The following PRAMEF19 variants were observed in gnomAD, a reference collection of about 807,000 sequenced individuals.
PRAMEF19 encodes PRAME family member 19.
Under a neutral mutation model 33.1 loss-of-function variants are expected in PRAMEF19, and 21 were observed. The ratio of observed to expected loss-of-function variants is 0.63; its 90% CI spans 0.45 to 0.91. The LOEUF (loss-of-function observed/expected upper bound fraction) is 0.91. PRAMEF19 is among the 40% of genes least tolerant of loss of function. The probability of loss-of-function intolerance (pLI) is 0.00; values close to 1 mark genes in which losing one functional copy is unlikely to be tolerated. For missense variants in PRAMEF19, 481 were observed against 585.2 expected, an observed-to-expected ratio of 0.82 and a Z score of 1.84; for synonymous variants, 179 against 229.3, an observed-to-expected ratio of 0.78 and a Z score of 1.98.
At chr1:13,368,967 T>G, downstream of PRAMEF19, 1 of 1,522,370 alleles carries the variant, frequency 6.6e-7, no homozygotes, top group South Asian at 1.2e-5. Context: ...ATAAAAGCTG[T>G]AAAATTGTAA....
chr1:13,369,397 C>A (rs750242819), exon 3 of PRAMEF19: 76 of 1,612,540 alleles, frequency 4.7e-5, no homozygotes, highest in Non-Finnish European at 6.0e-5. Context: ...TCAGGGCAGG[C>A]AGGATGACCC....
chr1:13,370,546 G>A, intron 2 of PRAMEF19, 103 bp downstream of exon 2: 3 of 1,457,820 alleles, frequency 2.1e-6, no homozygotes, highest in Non-Finnish European at 2.9e-6. Context: ...CCCTTCCCTG[G>A]ACATCTCCAG....
chr1:13,369,657 G>T lies in PRAMEF19; in HGVS notation c.867-17C>A. ...TTGAGGCACCTGGGGAGAGCAAGAAGTTAGTACTGGGCAATGGCACCAGTT... is the reference window on the plus strand; with the variant it reads ...TTGAGGCACCTGGGGAGAGCAAGAATTTAGTACTGGGCAATGGCACCAGTT... On this transcript the variant is annotated splice_polypyrimidine_tract_variant and intron_variant, in intron 2 of 2. Coordinates refer to ENST00000376101, the Ensembl canonical transcript of PRAMEF19. 5.0e-6 allele frequency: 8 copies of T among 1,613,804 alleles called. No homozygotes were observed. Among genetic ancestry groups the T allele is most frequent in the Non-Finnish European group, 5.9e-6 (7 of 1,179,820 alleles).
Position 13,370,865 on chromosome 1 carries a change from C to T in PRAMEF19, c.650G>A (p.Trp217Ter). The T allele has an allele frequency of 1.2e-6, 2 of 1,613,940 alleles. No homozygotes were observed. Among genetic ancestry groups the T allele is most frequent in the Non-Finnish European group, 1.7e-6 (2 of 1,179,860 alleles). Residue 217 changes from tryptophan (W) to a stop codon, truncating the protein, a stop_gained, in exon 2 of 3, where the codon TGG becomes TAG. Transcript: ENST00000376101. LOFTEE classifies it high-confidence loss of function. Reference sequence around the variant, plus strand: ...GCTAACCTCTGCTACCATACACGGCCAGCACATGTTCCAAATTTCCAATAC... The same window carrying T: ...GCTAACCTCTGCTACCATACACGGCTAGCACATGTTCCAAATTTCCAATAC...
downstream of PRAMEF19, chr1:13,369,064 C>A (rs1569832323): frequency 3.1e-6 from 5 of 1,611,970 alleles, no homozygotes; most frequent in Non-Finnish European, 4.2e-6. Context: ...TACCTCCACC[C>A]CACTAGGCAG....
intron 2 of PRAMEF19, among the ~76,000 whole-genome samples, chr1:13,370,255 G>A (rs1391742489): frequency 1.3e-4 from 20 of 152,278 alleles, no homozygotes; most frequent in African/African-American, 4.1e-4. Flanking sequence ...CCTCCCCTCT[G>A]TTGCCTCTTT....
chr1:13,371,835 G>A, exon 1 of PRAMEF19: 1 of 1,611,986 alleles, frequency 6.2e-7, no homozygotes, highest in Non-Finnish European at 8.5e-7. Flanking sequence ...AGATGGCCAA[G>A]GCCTGGTCCC....
chr1:13,370,984 T>G, exon 2 of PRAMEF19: 1 of 1,612,226 alleles, frequency 6.2e-7, no homozygotes, highest in South Asian at 1.1e-5. Flanking sequence ...ACAGGTGTAC[T>G]GAACGTCTTC....
At chr1:13,369,032 T>A (rs1640633923), downstream of PRAMEF19, 9 of 1,611,742 alleles carry the variant, frequency 5.6e-6, no homozygotes, top group African/African-American at 1.3e-5. Context: ...AGTTTCCAAG[T>A]GCCTGGAGAA....
chr1:13,370,325 T>C (rs1392490532), intron 2 of PRAMEF19, among the ~76,000 whole-genome samples: 1 of 152,314 alleles, frequency 6.6e-6, no homozygotes. Context: ...CTATTCATAC[T>C]TATCATATTA....
exon 2 of PRAMEF19, chr1:13,370,811 C>A (rs1483677745): frequency 5.5e-5 from 89 of 1,613,976 alleles, no homozygotes; most frequent in Non-Finnish European, 7.3e-5. Flanking sequence ...GAAGAGTTTT[C>A]GAAGATTCTT....
exon 1 of PRAMEF19, chr1:13,371,859 C>T (rs1347410071): frequency 3.1e-6 from 5 of 1,611,832 alleles, no homozygotes; most frequent in Non-Finnish European, 4.2e-6. Context: ...GCAGGCTCTG[C>T]CCTGCCAGCT....
exon 1 of PRAMEF19, chr1:13,371,745 C>T: frequency 6.2e-7 from 1 of 1,610,208 alleles, no homozygotes; most frequent in South Asian, 1.1e-5. Flanking sequence ...CCATCACCTT[C>T]AGAACCTCGC....
At chr1:13,370,785 C>G (rs1205325193) in exon 2 of PRAMEF19, 144 of 1,613,808 alleles carry the variant, frequency 8.9e-5, no homozygotes, top group Non-Finnish European at 1.2e-4. Flanking sequence ...GGCAGGTAAC[C>G]ACAGCCATCG....
chr1:13,369,847 G>A (rs1231220056), intron 2 of PRAMEF19, among the ~76,000 whole-genome samples: 28 of 151,104 alleles, frequency 1.9e-4, no homozygotes, highest in Non-Finnish European at 3.1e-4. Context: ...ACCATCACTG[G>A]TGTGATTGGT....
chr1:13,370,558 G>A (rs1315127897), intron 2 of PRAMEF19, 91 bp downstream of exon 2: 517 of 1,528,338 alleles, frequency 3.4e-4, no homozygotes, highest in Non-Finnish European at 3.8e-4. Context: ...CATCTCCAGT[G>A]GCTGGCACAC....
At chr1:13,368,901 G>GT (rs1261206553), downstream of PRAMEF19, among the ~76,000 whole-genome samples, 2 of 152,074 alleles carry the variant, frequency 1.3e-5, no homozygotes, top group African/African-American at 2.4e-5. Context: ...TCCCTTAAGC[G>GT]TAAGAGTTTG....
At chr1:13,369,052 T>C (rs1163429364), downstream of PRAMEF19, 1 of 1,611,894 alleles carries the variant, frequency 6.2e-7, no homozygotes, top group African/African-American at 1.3e-5. Context: ...AAAAGCTTTT[T>C]ATACCTCCAC....
downstream of PRAMEF19, chr1:13,368,963 G>A (rs1455815290): frequency 0.071 from 84,554 of 1,188,594 alleles, 2,987 homozygotes; most frequent in East Asian, 0.26. Flanking sequence ...TTAAATAAAA[G>A]CTGTAAAATT....
Sources: gnomAD v4.1 joint callset for allele counts (sites outside exome capture counted in the v4.1 genomes callset) on GRCh38, gnomAD v4.1.1 for gene constraint, MANE v1.5 for transcripts, NCBI Gene and HGNC (gene_info 2026-07-23, HGNC 2026-07-21) for gene names.